The following TRIM48 variants were observed in gnomAD, a reference collection of about 807,000 sequenced individuals.
TRIM48 encodes tripartite motif containing 48, also known as E3 ubiquitin-protein ligase TRIM48.
In TRIM48, 31 loss-of-function variants were observed where a neutral mutation model predicts 29.5. The ratio of observed to expected loss-of-function variants is 1.05; its 90% confidence interval spans 0.79 to 1.42. The LOEUF is 1.42. Ranked by LOEUF, TRIM48 falls within the 40% of genes most tolerant of loss-of-function variation. TRIM48 has a pLI of 0.00. For synonymous variants in TRIM48, 128 were observed against 90.6 expected (o/e 1.41, Z -2.34); for missense variants, 344 against 265.0 (o/e 1.30, Z -2.07).
At position 55,269,317 on chromosome 11, in the gene TRIM48, G is replaced by A. The variant is rs374540164; in HGVS notation, c.654G>A (p.Arg218=). The A allele has an allele frequency of 1.1e-5, 17 of 1,575,406 alleles. 4 individuals carry two copies. In the African/African-American group the frequency reaches 2.0e-4, roughly 19 times the overall value. ...ALRAGPITGL[R]DRLNQF ...GGGCAGGGCCCATCACTGGACTGAG[G>A]GACAGGCTCAACCAATTCTGAGGTA... The change falls in exon 5 of 6, where the codon AGG becomes AGA. Residue 218 remains arginine, a synonymous_variant. Coordinates refer to ENST00000417545, the MANE Select transcript of TRIM48 (RefSeq NM_024114.5).
chr11:55,264,121 A>G (rs557034728), intron 1 of TRIM48, among the ~76,000 whole-genome samples: 2 of 149,546 alleles, frequency 1.3e-5, no homozygotes, highest in East Asian at 4.2e-4. Context: ...CCATGGAAAT[A>G]TAATTACACC....
At chr11:55,270,140 GTA>G (rs899835844) in intron 5 of TRIM48, among the ~76,000 whole-genome samples, 8 of 148,252 alleles carry the variant, frequency 5.4e-5, no homozygotes, top group African/African-American at 1.7e-4. Flanking sequence ...CATTTAGGGC[GTA>G]TAATGTGCAA....
intron 2 of TRIM48, 117 bp from the exon 3 acceptor site, chr11:55,265,483 A>G: frequency 6.8e-7 from 1 of 1,480,726 alleles, no homozygotes; most frequent in Non-Finnish European, 9.1e-7. Context: ...GTGAAACAGA[A>G]GAAATGCCAT....
In TRIM48 at chr11:55,269,335, C is replaced by T; in HGVS notation, c.672C>T (p.Phe224=). Residue 224 remains phenylalanine (F), a synonymous_variant, in exon 5 of 6, where the codon TTC becomes TTT. Coordinates refer to ENST00000417545, the MANE Select transcript of TRIM48 (RefSeq NM_024114.5). ...ITGLRDRLNQ[F] ...GACTGAGGGACAGGCTCAACCAATTCTGAGGTAAGTCTCCACCCACAGGCA... is the reference window on the plus strand; with the variant it reads ...GACTGAGGGACAGGCTCAACCAATTTTGAGGTAAGTCTCCACCCACAGGCA... 1 of 1,574,786 alleles carries T rather than the reference C, an allele frequency of 6.4e-7. No homozygotes were observed. Among genetic ancestry groups the T allele is most frequent in the Non-Finnish European group, 8.6e-7 (1 of 1,165,896 alleles).
intron 5 of TRIM48, 34 bp from the exon 6 acceptor site, chr11:55,270,403 T>TA: frequency 7.1e-7 from 1 of 1,411,538 alleles, no homozygotes. Flanking sequence ...TCTTTCTTTC[T>TA]TTCTTTCTAT....
intron 3 of TRIM48, among the ~76,000 whole-genome samples, chr11:55,267,129 T>A (rs1857406001): frequency 6.8e-6 from 1 of 148,056 alleles, no homozygotes. Context: ...TACTTTTCCA[T>A]AAATGTGGGT....
At position 55,265,009 on chromosome 11, in the gene TRIM48, A is replaced by G. The variant is rs1404199453; in HGVS notation, c.154A>G (p.Arg52Gly). 5.7e-6 allele frequency: 9 copies of G among 1,584,622 alleles called. 2 individuals carry two copies. Among genetic ancestry groups the G allele is most frequent in the Non-Finnish European group, 7.7e-6 (9 of 1,166,464 alleles). Residue 52 changes from arginine (R) to glycine (G), a missense_variant, in exon 2 of 6, where the codon AGG (arginine) becomes GGG (glycine). Physicochemically the swap from Arg to Gly is moderately radical, Grantham distance 125. Transcript: ENST00000417545. ...CATAGACTGTGGGCACAGCTTTTGC[A>G]GGCCCTGTTTCTACCTCAACTGGCA... is the stretch of plus-strand genomic sequence containing the variant. ...VTIDCGHSFC[R>G]PCFYLNWQDI... is the part of the protein sequence containing the mutation.
chr11:55,270,615 T>G lies in TRIM48; in HGVS notation c.*180T>G. On this transcript the variant is annotated 3_prime_UTR_variant, in exon 6 of 6. Coordinates refer to ENST00000417545, the MANE Select transcript of TRIM48 (RefSeq NM_024114.5). ...CTGGCAAATATTACTGGGAGGTCCA[T>G]GTGGGGGACTCTTGGAATTGGGCTT... 1 of 1,582,818 alleles carries G rather than the reference T, an allele frequency of 6.3e-7. No individual in the cohort carries two copies. The highest frequency in any genetic ancestry group is 8.6e-7 in the Non-Finnish European group (1 of 1,165,258).
intron 4 of TRIM48, among the ~76,000 whole-genome samples, 166 bp downstream of exon 4, chr11:55,268,538 A>G (rs1391288997): frequency 6.8e-6 from 1 of 147,630 alleles, no homozygotes; most frequent in Non-Finnish European, 1.5e-5. Flanking sequence ...GTAAATAAAT[A>G]CATAAATAAA....
rs181073028 is a variant in TRIM48 at position 55,262,838 on chromosome 11, T to C, written c.44+527T>C. On this transcript the variant is annotated intron_variant, in intron 1 of 5. Coordinates refer to ENST00000417545, the MANE Select transcript of TRIM48 (RefSeq NM_024114.5). ...TAAATATATGATATAATTTGATATG[T>C]GATGGTGGTTGCCATCTCACTTGAG... Among the ~76,000 whole-genome samples the C allele has an allele frequency of 2.6e-4, 40 of 152,284 alleles. No homozygotes were observed. The East Asian group carries it at 7.7e-3, about 29-fold the overall frequency.
chr11:55,268,882 G>A (rs1370834405), intron 4 of TRIM48, among the ~76,000 whole-genome samples: 1 of 147,998 alleles, frequency 6.8e-6, no homozygotes, highest in Non-Finnish European at 1.5e-5. Context: ...AAAGGAAGCA[G>A]CAGATGCAGC....
rs187694179 is a variant in TRIM48, at chr11:55,267,518, G to C, written c.556-832G>C. 9.5e-6 allele frequency: 15 copies of C among 1,578,732 alleles called. 3 individuals carry two copies. The Admixed American group carries it at 2.6e-4, about 27-fold the overall frequency. ...GGAGATGCTGAAAAAGAAGGGAAAA[G>C]ATATTTTTCATCAACTTCATTTAAG... On this transcript the variant is annotated intron_variant, in intron 3 of 5. Transcript: ENST00000417545.
chr11:55,269,477 T>C, intron 5 of TRIM48, 138 bp downstream of exon 5: 1 of 1,211,078 alleles, frequency 8.3e-7, no homozygotes. Context: ...TGCAACCCTT[T>C]TGTATCTGTG....
intron 1 of TRIM48, among the ~76,000 whole-genome samples, 199 bp downstream of exon 1, chr11:55,262,510 G>GA (rs923181422): frequency 2.6e-5 from 4 of 151,874 alleles, no homozygotes; most frequent in South Asian, 2.1e-4. Context: ...ATATAGTTTT[G>GA]AAAAAATGAA....
At chr11:55,263,807 C>A (rs1051633170) in intron 1 of TRIM48, among the ~76,000 whole-genome samples, 3 of 152,212 alleles carry the variant, frequency 2.0e-5, no homozygotes, top group Admixed American at 1.3e-4. Flanking sequence ...TATAGGCTGT[C>A]TTTAAGCTGA....
intron 3 of TRIM48, among the ~76,000 whole-genome samples, chr11:55,267,788 T>C (rs1422626249): frequency 6.8e-6 from 1 of 147,748 alleles, no homozygotes; most frequent in Non-Finnish European, 1.5e-5. Context: ...TGGGAGAGTA[T>C]AGCCCCGCCA....
rs377379499 is a variant in TRIM48 at position 55,264,978 on chromosome 11, G to A, written c.123G>A (p.Pro41=). Residue 41 remains proline (P), a synonymous_variant, in exon 2 of 6, where the codon CCG becomes CCA. Coordinates refer to ENST00000417545, the MANE Select transcript of TRIM48 (RefSeq NM_024114.5). The stretch of plus-strand genomic sequence containing the variant: ...TCTGCATGAACTACTTCATAGACCC[G>A]GTCACCATAGACTGTGGGCACAGCT... ...CPICMNYFID[P]VTIDCGHSFC... is the part of the protein sequence containing the mutation. 2.0e-5 allele frequency: 32 copies of A among 1,584,238 alleles called. 6 individuals are homozygous for A. Among genetic ancestry groups the A allele is most frequent in the South Asian group, 1.9e-4 (16 of 83,750 alleles).
chr11:55,269,075 A>C (rs1232327713), intron 4 of TRIM48, among the ~76,000 whole-genome samples, 167 bp from the exon 5 acceptor site: 2 of 148,788 alleles, frequency 1.3e-5, no homozygotes, highest in South Asian at 2.4e-4. Context: ...TATGCTTTAA[A>C]ATTTGGAAAC....
At position 55,270,837 on chromosome 11, in the gene TRIM48, G is replaced by C. The variant is rs1857473803; in HGVS notation, c.*402G>C. The C allele has an allele frequency of 1.3e-6, 2 of 1,572,296 alleles. No individual in the cohort carries two copies. The highest frequency in any genetic ancestry group is 1.7e-6 in the Non-Finnish European group (2 of 1,156,536). ...TCCTGGATTGTGAAGCTAGAACTGT[G>C]AGCTTCGTTGATGTTAGTCAAAGCT... On this transcript the variant is annotated 3_prime_UTR_variant, in exon 6 of 6. Transcript: ENST00000417545.
Sources: allele counts gnomAD v4.1 joint callset (sites outside exome capture counted in the v4.1 genomes callset), GRCh38; gene constraint gnomAD v4.1.1; transcripts MANE v1.5; gene names NCBI Gene and HGNC (gene_info 2026-07-23, HGNC 2026-07-21).